TNS1: variants seen among roughly 807,000 people sequenced by gnomAD.
TNS1 encodes the protein tensin 1, also known as tensin-1.
A neutral mutation model predicts 168.6 loss-of-function variants in TNS1; 62 were observed. The observed-to-expected ratio is 0.37, with a 90% CI of 0.30 to 0.45. The LOEUF is 0.45. TNS1 is among the 20% of genes least tolerant of loss of function. TNS1 has a pLI of 1.00. For synonymous variants in TNS1, 934 were observed against 933.2 expected, an observed-to-expected ratio of 1.00 and a Z score of -0.02; for missense variants, 2,240 against 2,339.4, an observed-to-expected ratio of 0.96 and a Z score of 0.88.
intron 19 of TNS1, 105 bp downstream of exon 19, chr2:217,847,405 C>G: frequency 8.8e-7 from 1 of 1,134,230 alleles, no homozygotes; most frequent in East Asian, 2.8e-5. Context: ...CTCCTCCCAC[C>G]AGTGAAAGCA....
Position 217,986,071 on chromosome 2 carries a change from G to A in TNS1, c.148+4871C>T, listed in dbSNP as rs770599334. On this transcript the variant is annotated intron_variant, in intron 2 of 32. Transcript: ENST00000682258. This position sits in a 1 kb window ranked among gnomAD's most constrained non-coding sequence, Gnocchi z 4.7. ...CCCACCTCCTCATTTAGGGAAAAGG[G>A]AAAGCCAGACCCAGAGAGGTTAAGC... 6.6e-6 allele frequency among the ~76,000 whole-genome samples: 1 copy of A among 152,156 alleles called. No homozygotes were observed. The highest frequency in any genetic ancestry group is 1.5e-5 in the Non-Finnish European group (1 of 68,044).
At position 217,813,677 on chromosome 2, in the gene TNS1, G is replaced by A. The variant is rs199574796; in HGVS notation, c.4861+8C>T. 8.1e-6 allele frequency: 13 copies of A among 1,604,554 alleles called. No individual in the cohort carries two copies. Among genetic ancestry groups the A allele is most frequent in the Non-Finnish European group, 1.0e-5 (12 of 1,175,110 alleles). The stretch of plus-strand genomic sequence containing the variant: ...GGTCCTGAGCCCCATTCTGGGAGAT[G>A]AGGTTACCTTTTTTATTCTGCTGCA... On this transcript the variant is annotated splice_region_variant and intron_variant, in intron 26 of 32. Coordinates refer to ENST00000682258, the MANE Select transcript of TNS1 (RefSeq NM_001387777.1). The surrounding 1 kb of genome is among the most constrained non-coding windows in gnomAD (Gnocchi z 4.0).
intron 12 of TNS1, among the ~76,000 whole-genome samples, chr2:217,888,741 C>T (rs915994133): frequency 2.0e-5 from 3 of 152,176 alleles, no homozygotes; most frequent in Admixed American, 6.5e-5. Context: ...TTTCACCTTC[C>T]GCCATGATTG....
At chr2:217,967,515 AAT>A (rs1051973752) in intron 3 of TNS1, among the ~76,000 whole-genome samples, 26 of 152,152 alleles carry the variant, frequency 1.7e-4, no homozygotes, top group African/African-American at 5.8e-4. Context: ...ACCTTTCAGA[AAT>A]AAAAAGAATT....
At position 217,907,196 on chromosome 2, in the gene TNS1, C is replaced by T; in HGVS notation, c.270+14G>A. ...GCTGTTCCAGCTCCCCCACCACCAC[C>T]TGCCATCACTCACCTTGTCCACTAC... On this transcript the variant is annotated intron_variant, in intron 5 of 32. Coordinates refer to ENST00000682258, the MANE Select transcript of TNS1 (RefSeq NM_001387777.1). 2 of 703,158 alleles carry T rather than the reference C, an allele frequency of 2.8e-6. No homozygotes were observed. Among genetic ancestry groups the T allele is most frequent in the Non-Finnish European group, 5.2e-6 (2 of 385,016 alleles). 43.6% of individuals were successfully genotyped at this position (703,158 alleles called of 1,614,324 possible). A position where few individuals can be genotyped will look rare whatever the true frequency, so the allele number is the denominator to read the frequency against.
At chr2:218,029,604 G>A (rs1227369328) in intron 1 of TNS1, among the ~76,000 whole-genome samples, 1 of 152,212 alleles carries the variant, frequency 6.6e-6, no homozygotes, top group Non-Finnish European at 1.5e-5. Context: ...CCACACCCAG[G>A]AATATAGATA....
intron 4 of TNS1, among the ~76,000 whole-genome samples, chr2:217,916,143 C>T (rs376051252): frequency 2.6e-5 from 4 of 152,182 alleles, no homozygotes; most frequent in Admixed American, 1.3e-4. Context: ...CGAAGCTCGG[C>T]AGATATGAAG....
At chr2:217,904,355 C>A (rs1424030398) in intron 6 of TNS1, among the ~76,000 whole-genome samples, 1 of 152,236 alleles carries the variant, frequency 6.6e-6, no homozygotes, top group Non-Finnish European at 1.5e-5. Context: ...ATTATCACAG[C>A]AGCAGGCCCA....
In TNS1 at chr2:217,847,868, T is replaced by C; in HGVS notation, c.2649A>G (p.Pro883=). The C allele has an allele frequency of 6.3e-7, 1 of 1,574,930 alleles. No homozygotes were observed. Residue 883 remains proline, a synonymous_variant, in exon 19 of 33, where the codon CCA becomes CCG. Transcript: ENST00000682258. The part of the protein sequence containing the change: ...PLSGSSRQSH[P]LTQSRSGYIP... ...TATAGCCAGATCTGGACTGGGTCAGTGGATGGGACTGACGGGAGGATCCAG... is the reference window on the plus strand; with the variant it reads ...TATAGCCAGATCTGGACTGGGTCAGCGGATGGGACTGACGGGAGGATCCAG...
At chr2:218,028,791 A>T (rs1232996740) in intron 1 of TNS1, among the ~76,000 whole-genome samples, 1 of 152,224 alleles carries the variant, frequency 6.6e-6, no homozygotes, top group East Asian at 1.9e-4. Flanking sequence ...AGGTGAATTT[A>T]AAAATCAGAG....
intron 18 of TNS1, chr2:217,859,790 C>T: frequency 1.8e-6 from 2 of 1,081,284 alleles, no homozygotes; most frequent in East Asian, 2.6e-5. Context: ...GAGAGCCATG[C>T]AGCTGAAAGG....
In TNS1 at chr2:217,801,200, G is replaced by A. The variant is rs1031527692; in HGVS notation, c.*3259C>T. The A allele has an allele frequency of 2.6e-5, 4 of 152,218 alleles. No individual in the cohort carries two copies. The highest frequency in any genetic ancestry group is 5.9e-5 in the Non-Finnish European group (4 of 68,044). The allele number at this position is 152,218 out of a possible 1,614,324, so 9.4% of individuals were successfully genotyped here. A position where few individuals can be genotyped will look rare whatever the true frequency, so the allele number is the denominator to read the frequency against. On this transcript the variant is annotated 3_prime_UTR_variant, in exon 33 of 33. Transcript: ENST00000682258. ...CCCTTAAGCGCCTGGCTAAATAAGA[G>A]AGCCAGAACACCGTGATAGCAGGCT...
chr2:217,823,066 C>A (rs1463486631), intron 22 of TNS1, among the ~76,000 whole-genome samples: 1 of 152,230 alleles, frequency 6.6e-6, no homozygotes, highest in Admixed American at 6.5e-5. Context: ...GGAGGCCAGG[C>A]CCCTGCAGCC....
At chr2:217,816,627 C>T (rs1941928082) in intron 24 of TNS1, among the ~76,000 whole-genome samples, 1 of 152,146 alleles carries the variant, frequency 6.6e-6, no homozygotes, top group Admixed American at 6.5e-5. Flanking sequence ...CGGCTGCAGT[C>T]CCACGTGCCT....
chr2:217,933,528 C>T (rs945046864), intron 3 of TNS1, among the ~76,000 whole-genome samples: 10 of 152,292 alleles, frequency 6.6e-5, no homozygotes, highest in Admixed American at 6.5e-4. Flanking sequence ...GGCAGGGACA[C>T]TCTGCATGGC....
rs553374701 is a variant in TNS1 at position 217,876,560 on chromosome 2, A to G, written c.1429+4338T>C. ...TGGGGCATCCAAATACATGTGACCC[A>G]GAAAACTCCTTCTCAGGTGTGACGA... is the stretch of plus-strand genomic sequence containing the variant. On this transcript the variant is annotated intron_variant, in intron 18 of 32. Coordinates refer to ENST00000682258, the MANE Select transcript of TNS1 (RefSeq NM_001387777.1). Among the ~76,000 whole-genome samples the G allele has an allele frequency of 7.2e-5, 11 of 152,306 alleles. No individual in the cohort carries two copies. In the South Asian group the frequency reaches 2.3e-3, roughly 32 times the overall value.
chr2:217,964,563 G>T (rs1039307979), intron 3 of TNS1, among the ~76,000 whole-genome samples: 1 of 152,228 alleles, frequency 6.6e-6, no homozygotes, highest in East Asian at 1.9e-4. Context: ...GTGTTGCTGT[G>T]AGGATTAGAT....
intron 3 of TNS1, among the ~76,000 whole-genome samples, chr2:217,971,504 G>T (rs1424884448): frequency 6.6e-6 from 1 of 152,172 alleles, no homozygotes; most frequent in Non-Finnish European, 1.5e-5. Context: ...CCAGTTTGGG[G>T]CTATTGGAAA....
At chr2:218,003,224 C>T (rs1958603005), upstream of TNS1, among the ~76,000 whole-genome samples, 1 of 151,104 alleles carries the variant, frequency 6.6e-6, no homozygotes, top group East Asian at 2.0e-4. Flanking sequence ...GACACACAAC[C>T]CCTGTGTGCC....
Sources: gnomAD v4.1 joint callset for allele counts (sites outside exome capture counted in the v4.1 genomes callset) on GRCh38, gnomAD v4.1.1 for gene constraint, Gnocchi (gnomAD v3.1) non-coding constraint, MANE v1.5 for transcripts, NCBI Gene and HGNC (gene_info 2026-07-23, HGNC 2026-07-21) for gene names.